ECE1: variants seen among roughly 807,000 people sequenced by gnomAD.
ECE1 encodes endothelin converting enzyme 1.
In ECE1, 35 loss-of-function variants were observed where a neutral mutation model predicts 98.6. The observed-to-expected ratio is 0.35, with a 90% CI of 0.27 to 0.47. The LOEUF (loss-of-function observed/expected upper bound fraction) is 0.47, where lower values mean the gene tolerates loss of function less well. ECE1 is among the 20% of genes least tolerant of loss of function. The probability of loss-of-function intolerance (pLI) is 1.00; values close to 1 mark genes in which losing one functional copy is unlikely to be tolerated. For synonymous variants in ECE1, 394 were observed against 407.1 expected (o/e 0.97, Z 0.39); for missense variants, 814 against 1,025.3 (o/e 0.79, Z 2.81).
intron 10 of ECE1, among the ~76,000 whole-genome samples, chr1:21,243,716 A>G (rs922511080): frequency 6.6e-6 from 1 of 152,280 alleles, no homozygotes; most frequent in Non-Finnish European, 1.5e-5. Context: ...TGCAGGGAAC[A>G]GAATCCTGGC....
intron 12 of ECE1, 63 bp downstream of exon 12, chr1:21,236,683 C>G (rs2098188627): frequency 6.6e-7 from 1 of 1,504,180 alleles, no homozygotes. Flanking sequence ...CTCTCCTTCC[C>G]CCACCCTCCT....
chr1:21,323,738 T>C (rs1057016354), intron 1 of ECE1, among the ~76,000 whole-genome samples: 10 of 151,768 alleles, frequency 6.6e-5, no homozygotes, highest in Admixed American at 6.6e-4. Flanking sequence ...ATATGCAGCA[T>C]GTTAGACTGT....
intron 2 of ECE1, among the ~76,000 whole-genome samples, chr1:21,288,876 G>A (rs1000094481): frequency 6.6e-6 from 1 of 151,748 alleles, no homozygotes; most frequent in Non-Finnish European, 1.5e-5. Flanking sequence ...TGTAAGTGGG[G>A]ACAGTAATCC....
At chr1:21,246,082 T>C (rs212510) in intron 9 of ECE1, among the ~76,000 whole-genome samples, 9,403 of 152,048 alleles carry the variant, frequency 0.062, 907 homozygotes, top group African/African-American at 0.21. Flanking sequence ...CTGGGCAACA[T>C]AGTGAGACCC....
At chr1:21,331,222 G>A (rs12759441) in intron 1 of ECE1, among the ~76,000 whole-genome samples, 10,820 of 152,082 alleles carry the variant, frequency 0.071, 527 homozygotes, top group Middle Eastern at 0.11. Flanking sequence ...GGCCAACATG[G>A]TGAAACCCCA....
At chr1:21,234,411 T>C (rs1304352300) in intron 13 of ECE1, among the ~76,000 whole-genome samples, 2 of 150,376 alleles carry the variant, frequency 1.3e-5, no homozygotes, top group South Asian at 2.1e-4. Context: ...ATAAGTAAAG[T>C]AGAAATCTAT....
In ECE1 at chr1:21,290,094, G is replaced by T. The variant is rs1161752509; in HGVS notation, c.114C>A (p.Gly38=). The part of the protein sequence containing the change: ...EEDLVDSLSE[G]DAYPNGLQVN... Reference sequence around the variant, plus strand: ...CCTGCAGGCCGTTGGGGTATGCGTCGCCCTCGGAGAGCGAGTCCACCAGGT... The same window carrying T: ...CCTGCAGGCCGTTGGGGTATGCGTCTCCCTCGGAGAGCGAGTCCACCAGGT... The change falls in exon 2 of 19, where the codon GGC becomes GGA. Residue 38 remains glycine (G), a synonymous_variant. Transcript: ENST00000374893. This position sits in a 1 kb window ranked among gnomAD's most constrained non-coding sequence, Gnocchi z 7.3. 4 of 1,545,902 alleles carry T rather than the reference G, an allele frequency of 2.6e-6. No individual in the cohort carries two copies. The highest frequency in any genetic ancestry group is 1.2e-5 in the South Asian group (1 of 83,300).
intron 2 of ECE1, among the ~76,000 whole-genome samples, chr1:21,280,911 G>A (rs866279383): frequency 1.3e-5 from 2 of 152,144 alleles, no homozygotes; most frequent in East Asian, 1.9e-4. Flanking sequence ...AAAAGGGGCC[G>A]GGCACGGCGG....
At chr1:21,255,068 C>A (rs551228283) in intron 8 of ECE1, among the ~76,000 whole-genome samples, 1 of 152,346 alleles carries the variant, frequency 6.6e-6, no homozygotes, top group South Asian at 2.1e-4. Flanking sequence ...AGCGCAAGGT[C>A]CCAAGACGGA....
At chr1:21,248,466 A>G (rs1428141258) in intron 8 of ECE1, among the ~76,000 whole-genome samples, 1 of 150,370 alleles carries the variant, frequency 6.7e-6, no homozygotes, top group East Asian at 2.0e-4. Context: ...GAGCTACCGC[A>G]CCCAGCCTGG....
chr1:21,287,706 G>A (rs1161994591), intron 2 of ECE1, among the ~76,000 whole-genome samples: 2 of 152,146 alleles, frequency 1.3e-5, no homozygotes, highest in African/African-American at 2.4e-5. Context: ...GGTACCATGA[G>A]GTGTTATGAT....
intron 1 of ECE1, among the ~76,000 whole-genome samples, chr1:21,310,834 G>C (rs1638708928): frequency 6.6e-6 from 1 of 152,146 alleles, no homozygotes; most frequent in Non-Finnish European, 1.5e-5. Context: ...AGGAATAGAA[G>C]GGGTTGTGTA....
At chr1:21,320,347 T>A (rs1014960685) in intron 1 of ECE1, among the ~76,000 whole-genome samples, 7 of 152,118 alleles carry the variant, frequency 4.6e-5, no homozygotes, top group African/African-American at 1.7e-4. Flanking sequence ...TACGATCAAA[T>A]GGGATAATGA....
intron 1 of ECE1, among the ~76,000 whole-genome samples, chr1:21,331,226 A>G (rs1639194071): frequency 6.6e-6 from 1 of 152,082 alleles, no homozygotes; most frequent in Non-Finnish European, 1.5e-5. Flanking sequence ...AACATGGTGA[A>G]ACCCCATCTC....
At chr1:21,298,807 C>G (rs981960616) in intron 1 of ECE1, 2 of 456,302 alleles carry the variant, frequency 4.4e-6, no homozygotes, top group Non-Finnish European at 8.8e-6. Flanking sequence ...TCTAACCCAC[C>G]CTGCCTCACC....
intron 1 of ECE1, among the ~76,000 whole-genome samples, chr1:21,321,904 C>T (rs1365281241): frequency 6.6e-6 from 1 of 152,188 alleles, no homozygotes; most frequent in Non-Finnish European, 1.5e-5. Flanking sequence ...GCATGAGCCA[C>T]CGTGCCCACC....
At chr1:21,269,134 C>G (rs1330953113) in intron 4 of ECE1, among the ~76,000 whole-genome samples, 1 of 152,186 alleles carries the variant, frequency 6.6e-6, no homozygotes, top group Non-Finnish European at 1.5e-5. Context: ...CAGTGCCGAC[C>G]CAGGGCCTCT....
chr1:21,272,025 G>A (rs962381389), intron 4 of ECE1, among the ~76,000 whole-genome samples: 1 of 151,938 alleles, frequency 6.6e-6, no homozygotes, highest in Non-Finnish European at 1.5e-5. Context: ...CAAAAGCTAC[G>A]CCAAGCTTGA....
At position 21,326,081 on chromosome 1, in the gene ECE1, G is replaced by A. The variant is rs1639073734; in HGVS notation, c.3+19295C>T. ...GTGGGGTGTGGGGACCAGGGGGCTG[G>A]GCCTGGACCTATGAGCATGTTTCCT... On this transcript the variant is annotated intron_variant, in intron 1 of 18. Coordinates refer to the ECE1 transcript ENST00000415912. Among the ~76,000 whole-genome samples the A allele has an allele frequency of 2.0e-5, 3 of 152,174 alleles. 1 individual carries two copies. The highest frequency in any genetic ancestry group is 2.1e-4 in the South Asian group (1 of 4,828).
Sources: gnomAD v4.1 joint callset for allele counts (sites outside exome capture counted in the v4.1 genomes callset) on GRCh38, gnomAD v4.1.1 for gene constraint, Gnocchi (gnomAD v3.1) non-coding constraint, MANE v1.5 for transcripts, NCBI Gene and HGNC (gene_info 2026-07-23, HGNC 2026-07-21) for gene names.